Variants in ZDHHC9 observed in about 807,000 individuals in gnomAD.
ZDHHC9 encodes the protein palmitoyltransferase ZDHHC9.
Under a neutral mutation model 26.6 loss-of-function variants are expected in ZDHHC9, and 3 were observed. The observed-to-expected ratio is 0.11, with a 90% CI of 0.05 to 0.29. ZDHHC9 has a LOEUF of 0.29. Ranked by LOEUF, ZDHHC9 falls within the 10% of genes least tolerant of loss-of-function variation. The pLI is 1.00. For synonymous variants in ZDHHC9, 111 were observed against 109.4 expected, an observed-to-expected ratio of 1.01 and a Z score of -0.09; for missense variants, 146 against 296.4, an observed-to-expected ratio of 0.49 and a Z score of 3.73.
At chrX:129,836,860 G>A (rs1373955972) in intron 3 of ZDHHC9, among the ~76,000 whole-genome samples, 2 of 112,298 alleles carry the variant, frequency 1.8e-5, no homozygotes, top group African/African-American at 3.2e-5. Context: ...AGATGCCACT[G>A]GGTAACACAC....
intron 3 of ZDHHC9, among the ~76,000 whole-genome samples, chrX:129,834,915 A>C (rs1928223813): frequency 1.8e-5 from 2 of 112,353 alleles, no homozygotes; most frequent in African/African-American, 6.5e-5. Context: ...TCTGAGGAGA[A>C]AGATTTAGGA....
intron 10 of ZDHHC9, among the ~76,000 whole-genome samples, chrX:129,808,845 T>C (rs1927575088): frequency 8.9e-6 from 1 of 112,005 alleles, no homozygotes; most frequent in Non-Finnish European, 1.9e-5. Context: ...ACAGATTACA[T>C]AAAGAACTCT....
At chrX:129,818,159 G>C (rs1927799792) in intron 5 of ZDHHC9, among the ~76,000 whole-genome samples, 1 of 111,881 alleles carries the variant, frequency 8.9e-6, no homozygotes, top group African/African-American at 3.3e-5. Context: ...CACCAGTAGT[G>C]TGTGAGCACA....
At chrX:129,826,191 C>CAGCT (rs1244376220) in intron 4 of ZDHHC9, among the ~76,000 whole-genome samples, 4 of 111,427 alleles carry the variant, frequency 3.6e-5, no homozygotes, top group Non-Finnish European at 7.5e-5. Flanking sequence ...AGGATGAGGA[C>CAGCT]AGCTATTCAT....
chrX:129,842,744 C>T (rs1928411001), intron 2 of ZDHHC9, among the ~76,000 whole-genome samples: 1 of 112,772 alleles, frequency 8.9e-6, no homozygotes, highest in Admixed American at 9.4e-5. Context: ...TCTGCAACTT[C>T]CTGAGTCCGG....
intron 5 of ZDHHC9, among the ~76,000 whole-genome samples, chrX:129,822,649 A>G (rs1197508528): frequency 9.0e-6 from 1 of 111,366 alleles, no homozygotes; most frequent in Non-Finnish European, 1.9e-5. Context: ...ATGGGTTTTG[A>G]TTTATAAAAA....
At chrX:129,842,457 CAATGCTGATACTGCT>C (rs1161503712) in intron 2 of ZDHHC9, among the ~76,000 whole-genome samples, 7 of 112,775 alleles carry the variant, frequency 6.2e-5, no homozygotes, top group Non-Finnish European at 1.3e-4. Flanking sequence ...CACACAGCAG[CAATGCTGATACTGCT>C]AACTTCCAGT....
chrX:129,803,641 A>G lies in ZDHHC9; in HGVS notation c.*2729T>C, dbSNP rs1927444085. 2 of 111,533 alleles carry G rather than the reference A, an allele frequency of 1.8e-5. No individual in the cohort carries two copies. Among genetic ancestry groups the G allele is most frequent in the South Asian group, 7.5e-4 (2 of 2,668 alleles). 9.2% of individuals were successfully genotyped at this position (111,533 alleles called of 1,213,427 possible). A position where few individuals can be genotyped will look rare whatever the true frequency, so the allele number is the denominator to read the frequency against. On this transcript the variant is annotated 3_prime_UTR_variant, in exon 11 of 11. Transcript: ENST00000357166. Reference sequence around the variant, plus strand: ...TAACCCAACCTCACTCCTGGGGTAAAAGCAAAGGAGGAGATGATGATCTCA... The same window carrying G: ...TAACCCAACCTCACTCCTGGGGTAAGAGCAAAGGAGGAGATGATGATCTCA...
chrX:129,828,872 G>T, intron 4 of ZDHHC9, 109 bp downstream of exon 4: 1 of 1,040,464 alleles, frequency 9.6e-7, no homozygotes, highest in Non-Finnish European at 1.3e-6. Flanking sequence ...ATCTCAGAGA[G>T]AAAAGGCTAG....
At chrX:129,831,640 C>T (rs1928141250) in intron 3 of ZDHHC9, among the ~76,000 whole-genome samples, 1 of 111,644 alleles carries the variant, frequency 9.0e-6, no homozygotes, top group African/African-American at 3.3e-5. Flanking sequence ...TAAAACAATC[C>T]ACTCTGTATG....
intron 3 of ZDHHC9, among the ~76,000 whole-genome samples, chrX:129,840,695 G>A (rs1205462166): frequency 9.0e-6 from 1 of 111,060 alleles, no homozygotes; most frequent in Non-Finnish European, 1.9e-5. Context: ...TCCCCCTGCT[G>A]TTACTCAAGC....
At position 129,804,050 on chromosome X, in the gene ZDHHC9, G is replaced by A. The variant is rs994186935; in HGVS notation, c.*2320C>T. 1 of 111,449 alleles carries A rather than the reference G, an allele frequency of 9.0e-6. No homozygotes were observed. The highest frequency in any genetic ancestry group is 3.3e-5 in the African/African-American group (1 of 30,659). The allele number at this position is 111,449 out of a possible 1,213,427, so 9.2% of individuals were successfully genotyped here. ...AAGCAGAAAATCATTTCACACTAGA[G>A]ATAAGAGATTTCCACTTTGACCCTT... is the stretch of plus-strand genomic sequence containing the variant. On this transcript the variant is annotated 3_prime_UTR_variant, in exon 11 of 11. Coordinates refer to ENST00000357166, the MANE Select transcript of ZDHHC9 (RefSeq NM_016032.4).
At position 129,806,382 on chromosome X, in the gene ZDHHC9, T is replaced by C; in HGVS notation, c.1083A>G (p.Glu361=). The part of the protein sequence containing the change: ...EPPEPPQEAA[E]AEK ...TTCCATAGATAGGCTACTTCTCAGC[T>C]TCAGCTGCCTCCTGTGGTGGCTCTG... The change falls in exon 11 of 11, where the codon GAA becomes GAG. Residue 361 remains glutamate, a synonymous_variant. Transcript: ENST00000357166. 1 of 1,210,792 alleles carries C rather than the reference T, an allele frequency of 8.3e-7. No individual in the cohort carries two copies. Among genetic ancestry groups the C allele is most frequent in the Admixed American group, 2.2e-5 (1 of 46,049 alleles).
At chrX:129,833,041 T>C (rs772225715) in intron 3 of ZDHHC9, among the ~76,000 whole-genome samples, 3 of 109,383 alleles carry the variant, frequency 2.7e-5, no homozygotes, top group Admixed American at 9.8e-5. Flanking sequence ...AAACTCCCTA[T>C]ATCACTCCAT....
At chrX:129,817,063 C>T (rs1205269066) in intron 5 of ZDHHC9, among the ~76,000 whole-genome samples, 2 of 110,597 alleles carry the variant, frequency 1.8e-5, no homozygotes, top group African/African-American at 3.3e-5. Flanking sequence ...TTAGCAGAGA[C>T]GGGGTTTTGC....
intron 3 of ZDHHC9, among the ~76,000 whole-genome samples, chrX:129,830,095 T>C (rs897816982): frequency 8.0e-5 from 9 of 112,079 alleles, no homozygotes; most frequent in African/African-American, 2.6e-4. Flanking sequence ...TAAGCTGCAC[T>C]AATCTCTCTC....
intron 3 of ZDHHC9, among the ~76,000 whole-genome samples, chrX:129,830,395 A>G (rs1928114954): frequency 1.8e-5 from 2 of 112,203 alleles, no homozygotes; most frequent in Non-Finnish European, 3.8e-5. Context: ...CACTTGACAC[A>G]CAGTAAATAC....
At chrX:129,843,405 T>G (rs1928429630) in intron 1 of ZDHHC9, 79 bp from the exon 2 acceptor site, 2 of 111,119 alleles carry the variant, frequency 1.8e-5, no homozygotes, top group African/African-American at 6.5e-5. Context: ...GAGGCCGGAG[T>G]CCGGGGCCGA....
rs1455187213 is a variant in ZDHHC9 at position 129,803,792 on chromosome X, T to C, written c.*2578A>G. The stretch of plus-strand genomic sequence containing the variant: ...TCCTGGCCTGGGAAAGTAGGGTGCA[T>C]AGGAAGCTTGAGGAAGAAGGAGGAA... On this transcript the variant is annotated 3_prime_UTR_variant, in exon 11 of 11. Coordinates refer to ENST00000357166, the MANE Select transcript of ZDHHC9 (RefSeq NM_016032.4). 9.0e-6 allele frequency: 1 copy of C among 111,564 alleles called. No homozygotes were observed. Among genetic ancestry groups the C allele is most frequent in the Non-Finnish European group, 1.9e-5 (1 of 53,085 alleles). 9.2% of individuals were successfully genotyped at this position (111,564 alleles called of 1,213,427 possible). A position where few individuals can be genotyped will look rare whatever the true frequency, so the allele number is the denominator to read the frequency against.
Sources: gnomAD v4.1 joint callset for allele counts (sites outside exome capture counted in the v4.1 genomes callset) on GRCh38, gnomAD v4.1.1 for gene constraint, MANE v1.5 for transcripts, NCBI Gene and HGNC (gene_info 2026-07-23, HGNC 2026-07-21) for gene names.